The following LDLRAD4 variants were observed in gnomAD, a reference collection of about 807,000 sequenced individuals.
LDLRAD4 encodes low-density lipoprotein receptor class A domain-containing protein 4.
Under a neutral mutation model 17.0 loss-of-function variants are expected in LDLRAD4, and 5 were observed. That is an observed-to-expected ratio of 0.29 (90% CI 0.15 to 0.62). The LOEUF (loss-of-function observed/expected upper bound fraction) is 0.62, where lower values mean the gene tolerates loss of function less well. LDLRAD4 is among the 20% of genes least tolerant of loss of function. The pLI is 0.84. For synonymous variants in LDLRAD4, 168 were observed against 171.8 expected, an observed-to-expected ratio of 0.98 and a Z score of 0.17; for missense variants, 340 against 424.7, an observed-to-expected ratio of 0.80 and a Z score of 1.75.
chr18:13,310,179 C>G (rs1232469270), intron 1 of LDLRAD4, among the ~76,000 whole-genome samples: 1 of 30,506 alleles, frequency 3.3e-5, no homozygotes, highest in Non-Finnish European at 8.3e-5. Context: ...ACCCCTGTCT[C>G]TACCAAAAAA....
intron 1 of LDLRAD4, among the ~76,000 whole-genome samples, chr18:13,344,710 A>G (rs13381960): frequency 0.014 from 2,097 of 152,316 alleles, 30 homozygotes; most frequent in Middle Eastern, 0.034. Flanking sequence ...CTTCTTACCC[A>G]TGAGCATGGA....
intron 1 of LDLRAD4, among the ~76,000 whole-genome samples, chr18:13,339,055 G>A (rs1032465160): frequency 6.6e-6 from 1 of 152,150 alleles, no homozygotes; most frequent in Non-Finnish European, 1.5e-5. Context: ...TAGGGAAAAA[G>A]GAGGCATCTG....
Position 13,590,630 on chromosome 18 carries a change from A to G in LDLRAD4, c.182-30487A>G, listed in dbSNP as rs150490415. On this transcript the variant is annotated intron_variant, in intron 3 of 5. Coordinates refer to ENST00000359446, the Ensembl canonical transcript of LDLRAD4. ...TCTGCAAACAATTTAACCCAAAACCAAGTTCTGGCTGACAAGGCTACATCT... is the reference window on the plus strand; with the variant it reads ...TCTGCAAACAATTTAACCCAAAACCGAGTTCTGGCTGACAAGGCTACATCT... Among the ~76,000 whole-genome samples the G allele has an allele frequency of 3.5e-3, 532 of 152,196 alleles. 1 individual carries two copies. The highest frequency in any genetic ancestry group is 5.7e-3 in the Non-Finnish European group (390 of 67,988).
At chr18:13,359,671 C>T (rs2083545625) in intron 1 of LDLRAD4, among the ~76,000 whole-genome samples, 2 of 152,212 alleles carry the variant, frequency 1.3e-5, no homozygotes, top group South Asian at 4.1e-4. Context: ...AGTTGTCTCT[C>T]ATGGATGCCT....
At chr18:13,236,073 A>G (rs2042314293) in intron 1 of LDLRAD4, among the ~76,000 whole-genome samples, 1 of 152,142 alleles carries the variant, frequency 6.6e-6, no homozygotes, top group African/African-American at 2.4e-5. Flanking sequence ...GTGGAAAACA[A>G]TTTGATGTGT....
chr18:13,447,328 T>A (rs940353814), intron 3 of LDLRAD4, among the ~76,000 whole-genome samples: 3 of 152,186 alleles, frequency 2.0e-5, no homozygotes, highest in Non-Finnish European at 4.4e-5. Flanking sequence ...AGGGAGGCGC[T>A]GGCAGCCTCA....
chr18:13,396,770 A>C (rs1195975334), intron 2 of LDLRAD4, among the ~76,000 whole-genome samples: 4 of 152,228 alleles, frequency 2.6e-5, no homozygotes, highest in African/African-American at 7.2e-5. Flanking sequence ...GGTGTGAGCC[A>C]CTGCGCCTGG....
intron 1 of LDLRAD4, among the ~76,000 whole-genome samples, chr18:13,243,008 C>G (rs571463132): frequency 6.6e-6 from 1 of 152,250 alleles, no homozygotes; most frequent in African/African-American, 2.4e-5. Context: ...GCCTGCTCTG[C>G]CCCTGTGCCT....
rs2085920890 is a variant in LDLRAD4, at chr18:13,387,430, C to CA, written c.-292dup. ...TGCAGGATGCTGGCAGCGGCGTGGC[C>CA]AGGGGCGCCCGTGTTCTGAGGGCCT... On this transcript the variant is annotated 5_prime_UTR_variant, in exon 2 of 6. An upstream open reading frame in the 5' UTR loses its in-frame stop. Transcript: ENST00000359446. The CA allele has an allele frequency of 2.9e-6, 1 of 346,756 alleles. No individual in the cohort carries two copies. Among genetic ancestry groups the CA allele is most frequent in the African/African-American group, 2.2e-5 (1 of 45,038 alleles). The allele number at this position is 346,756 out of a possible 1,614,324, so 21.5% of individuals were successfully genotyped here.
At chr18:13,246,921 T>C (rs1027098978) in intron 1 of LDLRAD4, among the ~76,000 whole-genome samples, 5 of 151,324 alleles carry the variant, frequency 3.3e-5, no homozygotes, top group African/African-American at 4.8e-5. Flanking sequence ...AAATCTGCAA[T>C]GTTTTTTTAT....
At chr18:13,270,096 C>T (rs1379473619) in intron 1 of LDLRAD4, among the ~76,000 whole-genome samples, 1 of 152,162 alleles carries the variant, frequency 6.6e-6, no homozygotes, top group Non-Finnish European at 1.5e-5. Flanking sequence ...GGCATGGTGG[C>T]TCACATCTGA....
chr18:13,252,703 G>A (rs2145841327), intron 1 of LDLRAD4, among the ~76,000 whole-genome samples: 1 of 152,346 alleles, frequency 6.6e-6, no homozygotes, highest in East Asian at 1.9e-4. Context: ...TCCTGCCAGT[G>A]AGAGGAATGA....
chr18:13,628,698 A>G (rs537880228), intron 4 of LDLRAD4, among the ~76,000 whole-genome samples: 15 of 152,344 alleles, frequency 9.8e-5, no homozygotes, highest in African/African-American at 3.4e-4. Flanking sequence ...CCCCAGCTGC[A>G]CGCAGATTCC....
chr18:13,353,779 A>T (rs1355833982), intron 1 of LDLRAD4, among the ~76,000 whole-genome samples: 1 of 152,226 alleles, frequency 6.6e-6, no homozygotes, highest in African/African-American at 2.4e-5. Flanking sequence ...AAGTAGGGGA[A>T]AAAAGAGTGA....
intron 1 of LDLRAD4, among the ~76,000 whole-genome samples, chr18:13,222,755 C>A (rs779790721): frequency 6.6e-6 from 1 of 152,222 alleles, no homozygotes; most frequent in African/African-American, 2.4e-5. Flanking sequence ...TGCTAGGCTG[C>A]TCCGCCTCCT....
rs901763169 is a variant in LDLRAD4 at position 13,621,476 on chromosome 18, C to A, written c.336+205C>A. On this transcript the variant is annotated intron_variant, in intron 4 of 5. Coordinates refer to ENST00000359446, the Ensembl canonical transcript of LDLRAD4. This position sits in a 1 kb window ranked among gnomAD's most constrained non-coding sequence, Gnocchi z 5.5. ...CCAGTGAACATACAGACACAGCAGT[C>A]CCCCCAGAAGCCTGCGTGACCCCTC... 6.6e-6 allele frequency among the ~76,000 whole-genome samples: 1 copy of A among 152,228 alleles called. No individual in the cohort carries two copies. Among genetic ancestry groups the A allele is most frequent in the African/African-American group, 2.4e-5 (1 of 41,476 alleles).
chr18:13,497,764 C>T (rs553710986), intron 3 of LDLRAD4, among the ~76,000 whole-genome samples: 1 of 152,348 alleles, frequency 6.6e-6, no homozygotes, highest in East Asian at 1.9e-4. Flanking sequence ...GCCAAAGCTA[C>T]AATGGGAAGA....
At chr18:13,253,835 G>T (rs544200550) in intron 1 of LDLRAD4, among the ~76,000 whole-genome samples, 1 of 152,192 alleles carries the variant, frequency 6.6e-6, no homozygotes. Flanking sequence ...GGAAGCTGCC[G>T]GGTGAGTTTT....
intron 4 of LDLRAD4, among the ~76,000 whole-genome samples, chr18:13,627,746 G>A (rs1000488718): frequency 6.6e-6 from 1 of 152,194 alleles, no homozygotes; most frequent in Non-Finnish European, 1.5e-5. Context: ...TGTGACTAAA[G>A]CTTATAGCCA....
Sources: gnomAD v4.1 joint callset for allele counts (sites outside exome capture counted in the v4.1 genomes callset) on GRCh38, gnomAD v4.1.1 for gene constraint, Gnocchi (gnomAD v3.1) non-coding constraint, MANE v1.5 for transcripts, NCBI Gene and HGNC (gene_info 2026-07-23, HGNC 2026-07-21) for gene names.